The following SAFB2 variants were observed in gnomAD, a reference collection of about 807,000 sequenced individuals.
SAFB2 encodes scaffold attachment factor B2.
SAFB2 carries 32 observed loss-of-function variants against 100.6 expected under a neutral mutation model. The ratio of observed to expected loss-of-function variants is 0.32; its 90% CI spans 0.24 to 0.43. SAFB2 has a LOEUF of 0.43. Among genes scored for constraint, SAFB2 ranks in the 20% least tolerant of loss-of-function variants. SAFB2 has a pLI of 1.00. For missense variants in SAFB2, 1,185 were observed against 1,163.4 expected, an observed-to-expected ratio of 1.02 and a Z score of -0.27; for synonymous variants, 500 against 439.4, an observed-to-expected ratio of 1.14 and a Z score of -1.72.
At chr19:5,610,849 A>T in intron 7 of SAFB2, 161 bp from the exon 8 acceptor site, 1 of 759,698 alleles carries the variant, frequency 1.3e-6, no homozygotes, top group Non-Finnish European at 2.1e-6. Flanking sequence ...TCTGACCCCA[A>T]AAATACAATG....
In SAFB2 at chr19:5,587,995, A is replaced by C. The variant is rs1344640325; in HGVS notation, c.2526-15T>G. On this transcript the variant is annotated splice_polypyrimidine_tract_variant and intron_variant, in intron 18 of 20. Transcript: ENST00000252542. This position sits in a 1 kb window ranked among gnomAD's most constrained non-coding sequence, Gnocchi z 4.9. ...CACGGCCACCCCTTTGCCAAAAGAA[A>C]AAGACATGCAGCCATCTAATGAGCC... 1.2e-6 allele frequency: 2 copies of C among 1,605,496 alleles called. No homozygotes were observed. The highest frequency in any genetic ancestry group is 3.4e-5 in the Admixed American group (2 of 59,232).
intron 1 of SAFB2, among the ~76,000 whole-genome samples, chr19:5,622,101 G>A (rs573511494): frequency 6.6e-6 from 1 of 152,298 alleles, no homozygotes; most frequent in African/African-American, 2.4e-5. Context: ...CTTCGTAAAG[G>A]CCAAAGCCCT....
At chr19:5,619,143 T>C (rs1271877360) in intron 2 of SAFB2, among the ~76,000 whole-genome samples, 1 of 152,210 alleles carries the variant, frequency 6.6e-6, no homozygotes, top group East Asian at 1.9e-4. Flanking sequence ...AACAGTTGTA[T>C]GTAATCACAG....
At chr19:5,603,932 G>A (rs911770089) in intron 11 of SAFB2, among the ~76,000 whole-genome samples, 1 of 152,218 alleles carries the variant, frequency 6.6e-6, no homozygotes, top group Non-Finnish European at 1.5e-5. Flanking sequence ...GAAAATCAAC[G>A]TGGATGAGGA....
Position 5,593,917 on chromosome 19 carries a change from GGGCC to G in SAFB2, c.2177_2180del (p.Arg726ProfsTer64), listed in dbSNP as rs779670840. 1 of 1,527,566 alleles carries G rather than the reference GGGCC, an allele frequency of 6.5e-7. No individual in the cohort carries two copies. Among genetic ancestry groups the G allele is most frequent in the Non-Finnish European group, 8.7e-7 (1 of 1,149,162 alleles). The allele number at this position is 1,527,566 out of a possible 1,614,324, so 94.6% of individuals were successfully genotyped here. ...GGTCCAGGTCGTAGGGCCTCCGCCC[GGGCC>G]GCCGCTCCTGCTCGTAACGCAGCTG... On this transcript the variant is annotated frameshift_variant, in exon 15 of 21. Transcript: ENST00000252542. LOFTEE classifies it high-confidence loss of function.
At chr19:5,590,476 C>A in intron 17 of SAFB2, 68 bp from the exon 18 acceptor site, 2 of 1,504,452 alleles carry the variant, frequency 1.3e-6, no homozygotes, top group Non-Finnish European at 8.9e-7. Context: ...TTCCGGAAGG[C>A]CTGTCCACTG....
At chr19:5,619,685 A>T (rs2145365013) in intron 2 of SAFB2, among the ~76,000 whole-genome samples, 1 of 152,234 alleles carries the variant, frequency 6.6e-6, no homozygotes, top group East Asian at 1.9e-4. Context: ...TTCTACTAAA[A>T]ATATAAAAAA....
intron 4 of SAFB2, among the ~76,000 whole-genome samples, chr19:5,615,914 C>T (rs573410844): frequency 3.0e-4 from 46 of 152,280 alleles, no homozygotes; most frequent in African/African-American, 1.1e-3. Context: ...CCACATGCTT[C>T]GAATTATAAA....
intron 9 of SAFB2, among the ~76,000 whole-genome samples, chr19:5,606,060 A>C (rs1350584775): frequency 6.6e-6 from 1 of 152,184 alleles, no homozygotes; most frequent in Non-Finnish European, 1.5e-5. Context: ...CAGAGGGAAC[A>C]ACCACTGGAG....
intron 9 of SAFB2, among the ~76,000 whole-genome samples, chr19:5,608,524 C>T (rs1187624222): frequency 2.6e-5 from 4 of 152,284 alleles, no homozygotes; most frequent in South Asian, 2.1e-4. Flanking sequence ...TTGAACAGCA[C>T]GCTTTCTCCG....
intron 9 of SAFB2, among the ~76,000 whole-genome samples, chr19:5,607,746 C>A (rs11666248): frequency 6.6e-6 from 1 of 152,246 alleles, no homozygotes; most frequent in African/African-American, 2.4e-5. Flanking sequence ...TGACTCAGGG[C>A]ATCAACCTAA....
intron 17 of SAFB2, among the ~76,000 whole-genome samples, chr19:5,590,805 G>A (rs569882746): frequency 3.3e-5 from 5 of 152,290 alleles, no homozygotes; most frequent in South Asian, 2.1e-4. Context: ...CCACAATTCC[G>A]GCCTCCCTGG....
rs1488524166 is a variant in SAFB2 at position 5,594,113 on chromosome 19, C to T, written c.1985G>A (p.Arg662Gln). 6 of 1,601,402 alleles carry T rather than the reference C, an allele frequency of 3.7e-6. No homozygotes were observed. The highest frequency in any genetic ancestry group is 2.2e-5 in the East Asian group (1 of 44,742). Residue 662 changes from arginine (R) to glutamine (Q), a missense_variant, in exon 15 of 21, where the codon CGG (arginine) becomes CAG (glutamine). Physicochemically the swap from Arg to Gln is conservative, Grantham distance 43. Coordinates refer to ENST00000252542, the MANE Select transcript of SAFB2 (RefSeq NM_014649.3). The part of the protein sequence containing the change: ...EAFHERKEKA[R>Q]LQRERLQLEC... ...GAGCTGCAGGCGTTCCCGCTGTAGC[C>T]GGGCCTTCTCCTTCCGCTCATGGAA...
chr19:5,610,568 T>C (rs750719233), intron 8 of SAFB2, 71 bp downstream of exon 8: 29 of 1,100,156 alleles, frequency 2.6e-5, no homozygotes, highest in Non-Finnish European at 3.8e-5. Flanking sequence ...AAAGTGTGTA[T>C]ATCTCCAGGC....
intron 18 of SAFB2, among the ~76,000 whole-genome samples, chr19:5,590,005 G>A (rs533234779): frequency 5.9e-5 from 9 of 152,308 alleles, no homozygotes; most frequent in South Asian, 2.1e-4. Flanking sequence ...GCCCATGATC[G>A]AGACATTCAC....
Position 5,587,428 on chromosome 19 carries a change from C to G in SAFB2, c.2706-29G>C. 6.3e-7 allele frequency: 1 copy of G among 1,587,212 alleles called. No individual in the cohort carries two copies. The highest frequency in any genetic ancestry group is 8.6e-7 in the Non-Finnish European group (1 of 1,165,386). On this transcript the variant is annotated intron_variant, in intron 20 of 20. Coordinates refer to ENST00000252542, the MANE Select transcript of SAFB2 (RefSeq NM_014649.3). The surrounding 1 kb of genome is among the most constrained non-coding windows in gnomAD (Gnocchi z 4.9). ...GGAACAAAGTCAGACAATTTTTTTC[C>G]CCTTGAAGTGCTCAGCGTTTTCATC...
At chr19:5,588,415 A>C (rs767654000) in intron 18 of SAFB2, among the ~76,000 whole-genome samples, 1 of 152,194 alleles carries the variant, frequency 6.6e-6, no homozygotes. Flanking sequence ...CAGAAATGAA[A>C]ACATGGCCAA....
intron 11 of SAFB2, among the ~76,000 whole-genome samples, chr19:5,601,489 T>A (rs2145333826): frequency 6.6e-6 from 1 of 152,228 alleles, no homozygotes; most frequent in Admixed American, 6.5e-5. Context: ...GGTAGGCGGA[T>A]CACAAGGTCA....
chr19:5,587,326 C>CTCCGCCACCTTCCAG lies in SAFB2; in HGVS notation c.2764_2778dup (p.Leu922_Gly926dup). On this transcript the variant is annotated inframe_insertion, in exon 21 of 21. Transcript: ENST00000252542. This position sits in a 1 kb window ranked among gnomAD's most constrained non-coding sequence, Gnocchi z 4.9. ...CTGCTGCCCCGGTCCTGGCTGGCCA[C>CTCCGCCACCTTCCAG]TCCGCCACCTTCCAGTCCGCCACCT... is the stretch of plus-strand genomic sequence containing the variant. 6.2e-7 allele frequency: 1 copy of CTCCGCCACCTTCCAG among 1,612,970 alleles called. No individual in the cohort carries two copies. Among genetic ancestry groups the CTCCGCCACCTTCCAG allele is most frequent in the Middle Eastern group, 1.6e-4 (1 of 6,062 alleles).
Sources: allele counts gnomAD v4.1 joint callset (sites outside exome capture counted in the v4.1 genomes callset), GRCh38; gene constraint gnomAD v4.1.1; non-coding constraint Gnocchi (gnomAD v3.1); transcripts MANE v1.5; gene names NCBI Gene and HGNC (gene_info 2026-07-23, HGNC 2026-07-21).